The following REDIC1 variants were observed in gnomAD, a reference collection of about 807,000 sequenced individuals.
REDIC1 encodes the protein regulator of DNA class I crossover intermediates 1.
At chr12:39,847,115 A>T in the REDIC1 span, among the ~76,000 whole-genome samples, 1 of 152,208 alleles carries the variant, frequency 6.6e-6, no homozygotes, top group East Asian at 1.9e-4. Context: ...AGTTGACTTT[A>T]GACTTCTAAT....
chr12:39,711,702 T>C, the REDIC1 span, among the ~76,000 whole-genome samples: 1 of 13,668 alleles, frequency 7.3e-5, no homozygotes, highest in African/African-American at 1.3e-4. Flanking sequence ...TGTGTATGTG[T>C]ATACACATGC....
chr12:39,904,431 C>A, the REDIC1 span, among the ~76,000 whole-genome samples: 1 of 152,118 alleles, frequency 6.6e-6, no homozygotes, highest in African/African-American at 2.4e-5. Context: ...ACCTTGTGAG[C>A]AGGTCTTTCT....
chr12:39,861,711 AT>A, the REDIC1 span, among the ~76,000 whole-genome samples: 1 of 152,196 alleles, frequency 6.6e-6, no homozygotes, highest in African/African-American at 2.4e-5. Flanking sequence ...AAGATATATG[AT>A]TCAGATGATA....
At chr12:39,651,304 C>T in the REDIC1 span, among the ~76,000 whole-genome samples, 4 of 152,024 alleles carry the variant, frequency 2.6e-5, no homozygotes, top group East Asian at 5.8e-4. Context: ...GGTTATAGAC[C>T]GACCATGGAA....
the REDIC1 span, chr12:39,648,065 C>T: frequency 4.2e-6 from 4 of 942,422 alleles, no homozygotes; most frequent in Non-Finnish European, 5.8e-6. Flanking sequence ...AAAATATTTA[C>T]ATTTTGAATT....
chr12:39,685,847 T>C, the REDIC1 span, among the ~76,000 whole-genome samples: 4 of 152,138 alleles, frequency 2.6e-5, no homozygotes, highest in African/African-American at 7.2e-5. Context: ...ATTGGGTAAA[T>C]ATTTACATTC....
chr12:39,726,035 C>A, the REDIC1 span, among the ~76,000 whole-genome samples: 1 of 152,172 alleles, frequency 6.6e-6, no homozygotes, highest in South Asian at 2.1e-4. Context: ...TCACGTGGAA[C>A]AAATTTGCCT....
At chr12:39,657,441 A>G in the REDIC1 span, among the ~76,000 whole-genome samples, 1 of 152,220 alleles carries the variant, frequency 6.6e-6, no homozygotes, top group Non-Finnish European at 1.5e-5. Flanking sequence ...TTCTTGTTGT[A>G]AAGTGATACA....
the REDIC1 span, among the ~76,000 whole-genome samples, chr12:39,854,102 A>C: frequency 1.7e-3 from 242 of 145,976 alleles, no homozygotes; most frequent in African/African-American, 5.8e-3. Flanking sequence ...TGACATAAGC[A>C]AAAAAAAAAA....
chr12:39,748,118 A>T, the REDIC1 span, among the ~76,000 whole-genome samples: 33 of 146,266 alleles, frequency 2.3e-4, no homozygotes, highest in African/African-American at 7.9e-4. Context: ...CTCCAATTAA[A>T]AGACACTGGC....
At chr12:39,721,302 C>A in the REDIC1 span, 2 of 1,468,044 alleles carry the variant, frequency 1.4e-6, no homozygotes, top group South Asian at 1.2e-5. Context: ...CCTTAGAAAA[C>A]AACAGTAAAT....
the REDIC1 span, chr12:39,684,265 C>T: frequency 1.0e-6 from 1 of 975,774 alleles, no homozygotes; most frequent in African/African-American, 1.8e-5. Flanking sequence ...CTAAAGAAAA[C>T]TTTATTTTAG....
the REDIC1 span, among the ~76,000 whole-genome samples, chr12:39,838,900 T>C: frequency 2.2e-4 from 34 of 152,064 alleles, 1 homozygote; most frequent in Admixed American, 2.2e-3. Context: ...CTAAGAACAG[T>C]GTTTGATCTT....
the REDIC1 span, chr12:39,684,132 A>C: frequency 1.0e-6 from 1 of 1,000,012 alleles, no homozygotes; most frequent in East Asian, 1.1e-4. Context: ...TGGTGTACAA[A>C]ATGTTCTGAG....
the REDIC1 span, among the ~76,000 whole-genome samples, chr12:39,661,668 C>T: frequency 6.6e-6 from 1 of 151,860 alleles, no homozygotes; most frequent in Admixed American, 6.6e-5. Context: ...TATAGTCCCA[C>T]TTATCTATTT....
chr12:39,745,297 A>C, the REDIC1 span, among the ~76,000 whole-genome samples: 1 of 152,220 alleles, frequency 6.6e-6, no homozygotes, highest in East Asian at 1.9e-4. Flanking sequence ...TTTTCAGGTC[A>C]AGACAGTTAC....
chr12:39,711,635 A>ATACACGTATGTG, the REDIC1 span, among the ~76,000 whole-genome samples: 190 of 13,234 alleles, frequency 0.014, 8 homozygotes, highest in African/African-American at 0.019. Context: ...ACGTATGTGT[A>ATACACGTATGTG]TATGTGTATA....
the REDIC1 span, among the ~76,000 whole-genome samples, chr12:39,664,620 T>A: frequency 6.6e-6 from 1 of 152,210 alleles, no homozygotes; most frequent in Non-Finnish European, 1.5e-5. Context: ...CAAATGGTAT[T>A]TCTAGTTCTA....
At chr12:39,835,424 T>C in the REDIC1 span, among the ~76,000 whole-genome samples, 5 of 152,236 alleles carry the variant, frequency 3.3e-5, no homozygotes, top group Admixed American at 2.0e-4. Flanking sequence ...ATTATAGGTA[T>C]GCTCTACATT....
Sources: allele counts gnomAD v4.1 joint callset (sites outside exome capture counted in the v4.1 genomes callset), GRCh38; gene constraint gnomAD v4.1.1; transcripts MANE v1.5; gene names NCBI Gene and HGNC (gene_info 2026-07-23, HGNC 2026-07-21).